FMN2: variants seen among roughly 807,000 people sequenced by gnomAD.
The protein encoded by FMN2 is formin 2, also known as formin-2.
Under a neutral mutation model 142.3 loss-of-function variants are expected in FMN2, and 51 were observed. The observed-to-expected ratio is 0.36, with a 90% CI of 0.29 to 0.45. FMN2 has a LOEUF of 0.45. Ranked by LOEUF, FMN2 falls within the 20% of genes least tolerant of loss-of-function variation. The pLI, the probability that FMN2 is intolerant of heterozygous loss-of-function variation, is 1.00. For synonymous variants in FMN2, 882 were observed against 869.8 expected, an observed-to-expected ratio of 1.01 and a Z score of -0.25; for missense variants, 1,936 against 2,122.8, an observed-to-expected ratio of 0.91 and a Z score of 1.73.
At chr1:240,183,512 T>C (rs1215400104) in intron 3 of FMN2, among the ~76,000 whole-genome samples, 1 of 149,126 alleles carries the variant, frequency 6.7e-6, no homozygotes, top group African/African-American at 2.4e-5. Context: ...TTGAATATTA[T>C]ATATTACATA....
intron 7 of FMN2, among the ~76,000 whole-genome samples, chr1:240,262,759 CTTT>C (rs764626617): frequency 4.2e-5 from 5 of 117,788 alleles, no homozygotes. Flanking sequence ...AAAACTTTTA[CTTT>C]TTTTTTTTTT....
At chr1:240,268,212 A>G (rs1377116394) in intron 7 of FMN2, among the ~76,000 whole-genome samples, 1 of 152,054 alleles carries the variant, frequency 6.6e-6, no homozygotes, top group East Asian at 1.9e-4. Flanking sequence ...AGTTAAGTTC[A>G]AGGGGAACAT....
Position 240,230,347 on chromosome 1 carries a change from A to C in FMN2, c.4065+19112A>C, listed in dbSNP as rs71535327. Among the ~76,000 whole-genome samples the C allele has an allele frequency of 5.9e-4, 76 of 128,088 alleles. 22 individuals are homozygous for C. The highest frequency in any genetic ancestry group is 1.8e-3 in the African/African-American group (52 of 29,388). 84.0% of individuals were successfully genotyped at this position (128,088 alleles called of 152,430 possible). On this transcript the variant is annotated intron_variant, in intron 6 of 17. Coordinates refer to ENST00000319653, the MANE Select transcript of FMN2 (RefSeq NM_020066.5). ...GTCTGAAAAACAACAACAACAACAA[A>C]AAAACTAACCCAATAGCTTATAGAA...
chr1:240,153,812 G>A (rs1663890370), intron 2 of FMN2, among the ~76,000 whole-genome samples: 1 of 152,028 alleles, frequency 6.6e-6, no homozygotes, highest in South Asian at 2.1e-4. Context: ...CATGCAGTAA[G>A]GGGTTCAAGA....
intron 8 of FMN2, among the ~76,000 whole-genome samples, chr1:240,310,301 T>A (rs1036506410): frequency 2.0e-5 from 3 of 152,218 alleles, no homozygotes; most frequent in Non-Finnish European, 4.4e-5. Flanking sequence ...GTCATTGGTC[T>A]GTTTTAAAGT....
intron 1 of FMN2, among the ~76,000 whole-genome samples, chr1:240,102,497 A>G (rs1225634060): frequency 6.6e-6 from 1 of 152,150 alleles, no homozygotes; most frequent in Non-Finnish European, 1.5e-5. Context: ...TTATAGACCA[A>G]TACTTGCCTG....
chr1:240,445,718 TGGAG>T (rs1675785368), intron 16 of FMN2, among the ~76,000 whole-genome samples: 1 of 147,002 alleles, frequency 6.8e-6, no homozygotes, highest in Non-Finnish European at 1.5e-5. Flanking sequence ...TTTTTTTTTC[TGGAG>T]AGAAAATAAC....
chr1:240,447,365 G>A (rs1387193221), intron 16 of FMN2, among the ~76,000 whole-genome samples: 1 of 152,066 alleles, frequency 6.6e-6, no homozygotes, highest in African/African-American at 2.4e-5. Context: ...ATAATATTCA[G>A]GTATCTTGGA....
chr1:240,112,729 G>T lies in FMN2; in HGVS notation c.1616-10450G>T, dbSNP rs559167292. Reference sequence around the variant, plus strand: ...CTGCTGGGGGTGTGTTCTCTAGGCAGTGTCAGAGCCTAACTCTTCCTTTAT... The same window carrying T: ...CTGCTGGGGGTGTGTTCTCTAGGCATTGTCAGAGCCTAACTCTTCCTTTAT... On this transcript the variant is annotated intron_variant, in intron 1 of 17. Transcript: ENST00000319653. 3.5e-4 allele frequency among the ~76,000 whole-genome samples: 54 copies of T among 152,320 alleles called. No homozygotes were observed. In the South Asian group the frequency reaches 0.011, roughly 31 times the overall value.
chr1:240,378,297 CCCA>C (rs1165519868), intron 14 of FMN2, among the ~76,000 whole-genome samples: 4 of 151,928 alleles, frequency 2.6e-5, no homozygotes, highest in Non-Finnish European at 5.9e-5. Context: ...ATTACAGGTG[CCCA>C]CCACCACACC....
At chr1:240,434,156 A>AT (rs1675274111) in intron 15 of FMN2, among the ~76,000 whole-genome samples, 2 of 152,150 alleles carry the variant, frequency 1.3e-5, no homozygotes, top group South Asian at 2.1e-4. Flanking sequence ...ATAATCATGC[A>AT]TTTTTTTAAA....
At chr1:240,142,830 T>C in intron 2 of FMN2, 3 of 1,586,270 alleles carry the variant, frequency 1.9e-6, no homozygotes, top group Non-Finnish European at 2.6e-6. Context: ...CTTGCCAGCC[T>C]GGCCCACCAC....
chr1:240,442,909 A>G (rs1263858733), intron 16 of FMN2, among the ~76,000 whole-genome samples: 1 of 152,238 alleles, frequency 6.6e-6, no homozygotes, highest in African/African-American at 2.4e-5. Context: ...TTCAAGAGTC[A>G]GTTTCCTAAT....
chr1:240,157,381 C>T (rs1004795784), intron 2 of FMN2, among the ~76,000 whole-genome samples: 13 of 152,308 alleles, frequency 8.5e-5, no homozygotes, highest in South Asian at 2.1e-4. Flanking sequence ...ATTAGTTTAA[C>T]GCTTTCCTTG....
intron 16 of FMN2, chr1:240,471,541 A>G (rs1348765686): frequency 6.6e-6 from 1 of 151,738 alleles, no homozygotes; most frequent in Non-Finnish European, 1.5e-5. Context: ...CACCCAGCTA[A>G]TTTTTTTTGT....
At chr1:240,223,008 C>G (rs1292482221) in intron 6 of FMN2, among the ~76,000 whole-genome samples, 2 of 152,276 alleles carry the variant, frequency 1.3e-5, no homozygotes, top group Non-Finnish European at 2.9e-5. Flanking sequence ...CTGGCCAGAA[C>G]TTTTAATACT....
chr1:240,158,384 A>G (rs189583863), intron 2 of FMN2, among the ~76,000 whole-genome samples: 39 of 152,234 alleles, frequency 2.6e-4, no homozygotes, highest in African/African-American at 9.4e-4. Context: ...GGTGATGTTC[A>G]GAGCATTATT....
intron 13 of FMN2, 120 bp downstream of exon 13, chr1:240,334,349 G>A: frequency 1.7e-6 from 2 of 1,207,558 alleles, no homozygotes; most frequent in South Asian, 2.2e-5. Flanking sequence ...AAATTTGTGT[G>A]TGTGTGGCGA....
chr1:240,100,324 A>AT (rs1283477643), intron 1 of FMN2, among the ~76,000 whole-genome samples: 1 of 152,250 alleles, frequency 6.6e-6, no homozygotes, highest in Admixed American at 6.5e-5. Context: ...TCCTCTGTTC[A>AT]TTCCTGTTTT....
Sources: allele counts gnomAD v4.1 joint callset (sites outside exome capture counted in the v4.1 genomes callset), GRCh38; gene constraint gnomAD v4.1.1; transcripts MANE v1.5; gene names NCBI Gene and HGNC (gene_info 2026-07-23, HGNC 2026-07-21).